Variants in ADGRV1 observed in about 807,000 individuals in gnomAD.
ADGRV1 encodes the protein adhesion G protein-coupled receptor V1, also known as G-protein coupled receptor 98.
In ADGRV1, 359 loss-of-function variants were observed where a neutral mutation model predicts 596.2. That is an observed-to-expected ratio of 0.60 (90% CI 0.55 to 0.66). The LOEUF (loss-of-function observed/expected upper bound fraction) is 0.66, where lower values mean the gene tolerates loss of function less well. Among genes scored for constraint, ADGRV1 ranks in the 30% least tolerant of loss-of-function variants. The pLI is 0.00. For missense variants in ADGRV1, 7,274 were observed against 7,575.6 expected (o/e 0.96, Z 1.48); for synonymous variants, 2,681 against 2,679.2 (o/e 1.00, Z -0.02).
intron 52 of ADGRV1, among the ~76,000 whole-genome samples, chr5:90,749,393 ATT>A (rs1755000295): frequency 6.6e-6 from 1 of 152,168 alleles, no homozygotes; most frequent in Admixed American, 6.6e-5. Context: ...TTAAAAAGGC[ATT>A]GTCTTTTGTG....
intron 87 of ADGRV1, among the ~76,000 whole-genome samples, chr5:91,115,433 C>T (rs1342204177): frequency 6.6e-6 from 1 of 152,152 alleles, no homozygotes; most frequent in Admixed American, 6.5e-5. Context: ...GGGCCGGCAT[C>T]CTAAGAACAT....
chr5:90,839,018 T>C lies in ADGRV1; in HGVS notation c.16612-1560T>C, dbSNP rs567721182. Among the ~76,000 whole-genome samples the C allele has an allele frequency of 7.2e-5, 11 of 152,278 alleles. No individual in the cohort carries two copies. In the South Asian group the frequency reaches 1.7e-3, roughly 23 times the overall value. On this transcript the variant is annotated intron_variant, in intron 77 of 89. Transcript: ENST00000405460. ...TACCACTGTTTCTTGCATGAACGAATGCAAAAACCTCCATGCTCATTCCCT... is the reference window on the plus strand; with the variant it reads ...TACCACTGTTTCTTGCATGAACGAACGCAAAAACCTCCATGCTCATTCCCT...
intron 1 of ADGRV1, among the ~76,000 whole-genome samples, chr5:90,595,592 G>A (rs1231611148): frequency 4.5e-5 from 6 of 134,052 alleles, no homozygotes; most frequent in Non-Finnish European, 3.2e-5. Context: ...TCCCAGATGG[G>A]GCGGCTGGCC....
intron 29 of ADGRV1, among the ~76,000 whole-genome samples, chr5:90,687,912 G>A (rs1216292532): frequency 2.6e-5 from 4 of 152,114 alleles, no homozygotes; most frequent in African/African-American, 4.8e-5. Flanking sequence ...ATACAAACAA[G>A]TGGAAGAACA....
intron 1 of ADGRV1, among the ~76,000 whole-genome samples, chr5:90,574,940 T>A (rs1284032536): frequency 6.6e-6 from 1 of 152,190 alleles, no homozygotes; most frequent in Non-Finnish European, 1.5e-5. Context: ...AATATAACTT[T>A]TGTCATTTCA....
intron 22 of ADGRV1, among the ~76,000 whole-genome samples, 165 bp from the exon 23 acceptor site, chr5:90,673,889 C>T (rs963406588): frequency 6.6e-6 from 1 of 152,196 alleles, no homozygotes; most frequent in Non-Finnish European, 1.5e-5. Context: ...TATATACACA[C>T]ATATGCACAC....
At chr5:91,131,258 C>A (rs906369940) in intron 87 of ADGRV1, among the ~76,000 whole-genome samples, 1 of 152,178 alleles carries the variant, frequency 6.6e-6, no homozygotes, top group Non-Finnish European at 1.5e-5. Context: ...ATTCCCTTTT[C>A]TCTACAACCT....
chr5:90,684,281 C>A, intron 28 of ADGRV1, 86 bp downstream of exon 28: 2 of 1,241,400 alleles, frequency 1.6e-6, no homozygotes, highest in Non-Finnish European at 2.2e-6. Flanking sequence ...ATAGAAAATT[C>A]TATAAAAAGT....
chr5:91,085,577 CTCT>C, intron 86 of ADGRV1, among the ~76,000 whole-genome samples: 1 of 152,284 alleles, frequency 6.6e-6, no homozygotes, highest in Admixed American at 6.5e-5. Flanking sequence ...TTTGCCGTCT[CTCT>C]TCTTTGCCAT....
intron 78 of ADGRV1, among the ~76,000 whole-genome samples, chr5:90,843,944 G>T (rs1222846376): frequency 1.3e-5 from 2 of 152,076 alleles, no homozygotes; most frequent in African/African-American, 2.4e-5. Flanking sequence ...TGAAAATTTG[G>T]ATTATCACAT....
chr5:90,985,948 C>T (rs772502898), intron 85 of ADGRV1, among the ~76,000 whole-genome samples: 3 of 151,916 alleles, frequency 2.0e-5, no homozygotes, highest in Admixed American at 6.6e-5. Context: ...GAACGACTGC[C>T]TCACAGTGAA....
intron 88 of ADGRV1, among the ~76,000 whole-genome samples, chr5:91,152,588 A>G (rs1796150740): frequency 1.3e-5 from 2 of 152,360 alleles, no homozygotes. Flanking sequence ...CACAGATTAA[A>G]TTGTCTCAGG....
intron 83 of ADGRV1, among the ~76,000 whole-genome samples, chr5:90,918,461 T>A (rs76842254): frequency 0.012 from 1,899 of 152,286 alleles, 66 homozygotes; most frequent in East Asian, 0.1. Context: ...CATCCATGAG[T>A]CACCAAGTTC....
chr5:91,089,958 G>A (rs750003579), intron 86 of ADGRV1, among the ~76,000 whole-genome samples: 22 of 152,180 alleles, frequency 1.4e-4, no homozygotes, highest in Non-Finnish European at 2.9e-4. Flanking sequence ...AACTGGTAAT[G>A]TAGTTAGAAA....
chr5:91,025,220 C>T (rs555064274), intron 85 of ADGRV1, among the ~76,000 whole-genome samples: 1 of 152,244 alleles, frequency 6.6e-6, no homozygotes, highest in Admixed American at 6.5e-5. Context: ...TTCACAGTTT[C>T]CCACCTCCTC....
intron 77 of ADGRV1, among the ~76,000 whole-genome samples, chr5:90,840,261 T>A (rs1242021447): frequency 6.6e-6 from 1 of 152,022 alleles, no homozygotes; most frequent in Middle Eastern, 3.2e-3. Flanking sequence ...TTTTACCACA[T>A]GTGTTATTTG....
intron 85 of ADGRV1, among the ~76,000 whole-genome samples, chr5:91,054,440 G>T (rs1181451154): frequency 2.0e-5 from 3 of 152,154 alleles, no homozygotes; most frequent in African/African-American, 7.2e-5. Context: ...ATTTACTGCT[G>T]CCTGGATATT....
intron 83 of ADGRV1, among the ~76,000 whole-genome samples, chr5:90,916,557 C>T (rs896241035): frequency 6.6e-6 from 1 of 151,084 alleles, no homozygotes; most frequent in Non-Finnish European, 1.5e-5. Flanking sequence ...ACATATTATT[C>T]GATATTCAAT....
At chr5:90,727,331 A>T (rs542613972) in intron 48 of ADGRV1, among the ~76,000 whole-genome samples, 22 of 152,038 alleles carry the variant, frequency 1.4e-4, no homozygotes, top group African/African-American at 5.1e-4. Context: ...TTATTCTTTC[A>T]CATCGAGTTT....
Sources: allele counts gnomAD v4.1 joint callset (sites outside exome capture counted in the v4.1 genomes callset), GRCh38; gene constraint gnomAD v4.1.1; transcripts MANE v1.5; gene names NCBI Gene and HGNC (gene_info 2026-07-23, HGNC 2026-07-21).